ARHGEF28: variants seen among roughly 807,000 people sequenced by gnomAD.
The protein encoded by ARHGEF28 is Rho guanine nucleotide exchange factor 28.
A neutral mutation model predicts 206.6 loss-of-function variants in ARHGEF28; 152 were observed. The ratio of observed to expected loss-of-function variants is 0.74; its 90% CI spans 0.64 to 0.84. The LOEUF (loss-of-function observed/expected upper bound fraction) is 0.84, where lower values mean the gene tolerates loss of function less well. Among genes scored for constraint, ARHGEF28 ranks in the 40% least tolerant of loss-of-function variants. The pLI is 0.00. For missense variants in ARHGEF28, 2,028 were observed against 2,073.2 expected, an observed-to-expected ratio of 0.98 and a Z score of 0.42; for synonymous variants, 763 against 776.4, an observed-to-expected ratio of 0.98 and a Z score of 0.29.
At chr5:73,748,080 C>T (rs1247938980) in intron 2 of ARHGEF28, among the ~76,000 whole-genome samples, 3 of 152,120 alleles carry the variant, frequency 2.0e-5, no homozygotes, top group Non-Finnish European at 4.4e-5. Flanking sequence ...GGATAGTTAA[C>T]AGTCTCTTTA....
intron 1 of ARHGEF28, among the ~76,000 whole-genome samples, chr5:73,668,432 A>G (rs1746102776): frequency 6.6e-6 from 1 of 152,232 alleles, no homozygotes; most frequent in Admixed American, 6.5e-5. Context: ...AGAGAGCATG[A>G]CAGAGCAAGA....
At chr5:73,698,061 A>G (rs1561340916) in intron 2 of ARHGEF28, among the ~76,000 whole-genome samples, 1 of 152,200 alleles carries the variant, frequency 6.6e-6, no homozygotes, top group African/African-American at 2.4e-5. Flanking sequence ...ATAAAATTAG[A>G]TTGAAAGTGA....
At chr5:73,650,839 A>G (rs1744772677) in intron 1 of ARHGEF28, among the ~76,000 whole-genome samples, 1 of 152,018 alleles carries the variant, frequency 6.6e-6, no homozygotes, top group South Asian at 2.1e-4. Flanking sequence ...TGGTAGAGAC[A>G]GGGTTTTGTC....
chr5:73,776,393 G>T (rs1753544044), intron 5 of ARHGEF28, 123 bp from the exon 6 acceptor site: 1 of 775,192 alleles, frequency 1.3e-6, no homozygotes, highest in African/African-American at 1.7e-5. Flanking sequence ...TTGCACGTAG[G>T]TGACTTTCAA....
intron 2 of ARHGEF28, among the ~76,000 whole-genome samples, chr5:73,690,996 C>T (rs1179413479): frequency 6.6e-6 from 1 of 151,880 alleles, no homozygotes; most frequent in Non-Finnish European, 1.5e-5. Context: ...GTAGTGCGAT[C>T]TTGGCTCACT....
rs560212170 is a variant in ARHGEF28 at position 73,933,052 on chromosome 5, C to T, written c.4949-7792C>T. On this transcript the variant is annotated intron_variant, in intron 35 of 35. Transcript: ENST00000513042. ...GTCTCGATCTCCTGACCTCGTGATC[C>T]GCCCGTCTCGGCCTCCCAAAGTGCT... Among the ~76,000 whole-genome samples the T allele has an allele frequency of 1.2e-4, 19 of 152,034 alleles. No individual in the cohort carries two copies. The South Asian group carries it at 2.1e-3, about 17-fold the overall frequency.
chr5:73,662,606 A>T (rs1745682632), intron 1 of ARHGEF28, among the ~76,000 whole-genome samples: 1 of 152,226 alleles, frequency 6.6e-6, no homozygotes, highest in Non-Finnish European at 1.5e-5. Flanking sequence ...TTCACAAAAT[A>T]TTTGAAATAT....
chr5:73,790,544 G>T (rs529659707), intron 7 of ARHGEF28, among the ~76,000 whole-genome samples: 3 of 152,224 alleles, frequency 2.0e-5, no homozygotes, highest in South Asian at 4.1e-4. Flanking sequence ...TTGTTGAATT[G>T]AGTGGAATGT....
intron 18 of ARHGEF28, among the ~76,000 whole-genome samples, chr5:73,867,608 G>C (rs1298667244): frequency 2.6e-5 from 4 of 152,146 alleles, no homozygotes; most frequent in Non-Finnish European, 4.4e-5. Flanking sequence ...CCATTCCATT[G>C]TCTTGTTTGT....
chr5:73,780,632 G>T (rs11949860), intron 6 of ARHGEF28, 44 bp from the exon 7 acceptor site: 1 of 1,528,238 alleles, frequency 6.5e-7, no homozygotes, highest in Non-Finnish European at 8.8e-7. Flanking sequence ...ACCTCAAATG[G>T]TTTTCTGTGC....
At chr5:73,813,557 G>A in intron 9 of ARHGEF28, 3 of 1,535,006 alleles carry the variant, frequency 2.0e-6, no homozygotes, top group Non-Finnish European at 2.6e-6. Flanking sequence ...AGTCTCTACT[G>A]TTTCATCTGT....
At chr5:73,696,546 C>T (rs73762159) in intron 2 of ARHGEF28, among the ~76,000 whole-genome samples, 2,549 of 152,072 alleles carry the variant, frequency 0.017, 66 homozygotes, top group African/African-American at 0.058. Context: ...GTTTAGTGTC[C>T]CTTCTATTGT....
chr5:73,770,415 A>G (rs1019270469), intron 4 of ARHGEF28, among the ~76,000 whole-genome samples: 6 of 152,322 alleles, frequency 3.9e-5, no homozygotes, highest in Middle Eastern at 3.4e-3. Context: ...TCATGCTCTC[A>G]TGATGTTATA....
rs1393670678 is a variant in ARHGEF28 at position 73,865,998 on chromosome 5, C to T, written c.2137C>T (p.Gln713Ter). Residue 713 changes from glutamine (Q) to a stop codon, truncating the protein, a stop_gained, in exon 18 of 36, where the codon CAG becomes TAG. Transcript: ENST00000513042. LOFTEE classifies it high-confidence loss of function. ...FQEKYNKNKPQTILGNSSFRD... is the reference protein window; with the variant it reads ...FQEKYNKNKP ...AGAGAAATATAACAAGAACAAACCA[C>T]AGACCATCCTTGGAAGTAAGTGATG... is the stretch of plus-strand genomic sequence containing the variant. 6.2e-7 allele frequency: 1 copy of T among 1,604,856 alleles called. No homozygotes were observed. Among genetic ancestry groups the T allele is most frequent in the Middle Eastern group, 1.7e-4 (1 of 6,038 alleles).
At chr5:73,921,757 G>A (rs563098349) in intron 35 of ARHGEF28, among the ~76,000 whole-genome samples, 2 of 152,120 alleles carry the variant, frequency 1.3e-5, no homozygotes, top group Non-Finnish European at 2.9e-5. Flanking sequence ...CTAGAAATTC[G>A]GGAGACTCTG....
intron 9 of ARHGEF28, among the ~76,000 whole-genome samples, chr5:73,802,882 G>C (rs1283418108): frequency 1.9e-4 from 28 of 148,428 alleles, no homozygotes; most frequent in East Asian, 6.5e-4. Context: ...GTGTGTGTGT[G>C]TGTGTGTGTG....
chr5:73,891,811 C>T (rs547564724), intron 26 of ARHGEF28, among the ~76,000 whole-genome samples: 108 of 152,254 alleles, frequency 7.1e-4, no homozygotes, highest in Non-Finnish European at 1.1e-3. Context: ...AGGAGGGAGC[C>T]GTTGGGCCCG....
chr5:73,809,898 T>C (rs1181487854), intron 9 of ARHGEF28, among the ~76,000 whole-genome samples: 1 of 152,228 alleles, frequency 6.6e-6, no homozygotes, highest in Non-Finnish European at 1.5e-5. Flanking sequence ...GGATATATCA[T>C]TGAATTCTGC....
At chr5:73,821,051 G>A (rs531296879) in intron 9 of ARHGEF28, among the ~76,000 whole-genome samples, 1 of 152,046 alleles carries the variant, frequency 6.6e-6, no homozygotes, top group Admixed American at 6.6e-5. Flanking sequence ...CCTGGTCAGT[G>A]TCATCCCTGA....
Sources: gnomAD v4.1 joint callset for allele counts (sites outside exome capture counted in the v4.1 genomes callset) on GRCh38, gnomAD v4.1.1 for gene constraint, MANE v1.5 for transcripts, NCBI Gene and HGNC (gene_info 2026-07-23, HGNC 2026-07-21) for gene names.